Variants in CCDC66 observed in about 807,000 individuals in gnomAD.
CCDC66 encodes coiled-coil domain-containing protein 66.
In CCDC66, 133 loss-of-function variants were observed where a neutral mutation model predicts 128.3. The observed-to-expected ratio is 1.04, with a 90% confidence interval of 0.90 to 1.20. The LOEUF (loss-of-function observed/expected upper bound fraction) is 1.20. CCDC66 is among the 50% of genes most tolerant of loss of function. The probability of loss-of-function intolerance (pLI) is 0.00; values close to 1 mark genes in which losing one functional copy is unlikely to be tolerated. For missense variants in CCDC66, 1,126 were observed against 1,075.5 expected (o/e 1.05, Z -0.66); for synonymous variants, 387 against 357.0 (o/e 1.08, Z -0.95).
rs1364805329 is a variant in CCDC66, at chr3:56,593,109, A to G, written c.1068+8A>G. 2.5e-6 allele frequency: 4 copies of G among 1,571,592 alleles called. No individual in the cohort carries two copies. The highest frequency in any genetic ancestry group is 1.4e-5 in the African/African-American group (1 of 73,350). ...AAAATTATATATTCAAAGGTAACTTATGAGGTTTTGTGGCTATAAAAGAAA... is the reference window on the plus strand; with the variant it reads ...AAAATTATATATTCAAAGGTAACTTGTGAGGTTTTGTGGCTATAAAAGAAA... On this transcript the variant is annotated splice_region_variant and intron_variant, in intron 8 of 17. Transcript: ENST00000394672.
intron 7 of CCDC66, among the ~76,000 whole-genome samples, chr3:56,573,753 A>C (rs2066958128): frequency 6.7e-6 from 1 of 149,502 alleles, no homozygotes; most frequent in Non-Finnish European, 1.5e-5. Flanking sequence ...CCAGGGAGGG[A>C]GGAGGTATAA....
At chr3:56,613,798 T>G in intron 11 of CCDC66, 48 bp downstream of exon 11, 1 of 1,501,612 alleles carries the variant, frequency 6.7e-7, no homozygotes, top group Admixed American at 1.8e-5. Context: ...TTTGTGTTTT[T>G]GAGACAGGGT....
rs777209773 is a variant in CCDC66, at chr3:56,617,515, CCT to C, written c.2253_2254del (p.Gln752LysfsTer69). On this transcript the variant is annotated frameshift_variant, in exon 14 of 18. Transcript: ENST00000394672. LOFTEE classifies it high-confidence loss of function. ...HLVEKNNPGH[L>X]SQNRGISPEI... ...TGGTAGAAAAAAATAATCCTGGGCACCTCTCTCAAAACAGAGGCATTTCACCA... is the reference window on the plus strand; with the variant it reads ...TGGTAGAAAAAAATAATCCTGGGCACCTCTCAAAACAGAGGCATTTCACCA... 9.9e-6 allele frequency: 16 copies of C among 1,613,530 alleles called. No homozygotes were observed. Among genetic ancestry groups the C allele is most frequent in the African/African-American group, 6.7e-5 (5 of 74,854 alleles).
At chr3:56,593,347 A>G in intron 8 of CCDC66, 144 bp from the exon 9 acceptor site, 1 of 908,952 alleles carries the variant, frequency 1.1e-6, no homozygotes, top group South Asian at 1.8e-5. Flanking sequence ...ATGTATAAGG[A>G]CTCTAAACAG....
Position 56,557,205 on chromosome 3 carries a change from G to T in CCDC66, c.-38G>T. On this transcript the variant is annotated 5_prime_UTR_variant, in exon 1 of 18. Coordinates refer to ENST00000394672, the MANE Select transcript of CCDC66 (RefSeq NM_001141947.3). ...GCGGCGGCAACCGACGTACACAAGG[G>T]GCTTGAGCGTTCTGTGGAGAGAGTG... 1.3e-6 allele frequency: 2 copies of T among 1,551,260 alleles called. No individual in the cohort carries two copies. Among genetic ancestry groups the T allele is most frequent in the Non-Finnish European group, 1.7e-6 (2 of 1,146,974 alleles).
chr3:56,612,354 A>C (rs2074956273), intron 10 of CCDC66, among the ~76,000 whole-genome samples: 1 of 152,014 alleles, frequency 6.6e-6, no homozygotes, highest in Admixed American at 6.6e-5. Context: ...GCTGTGGTAA[A>C]GTTTTGTTGT....
chr3:56,562,504 C>G (rs1425926484), intron 3 of CCDC66, among the ~76,000 whole-genome samples: 1 of 152,134 alleles, frequency 6.6e-6, no homozygotes, highest in African/African-American at 2.4e-5. Flanking sequence ...AACTCTTACA[C>G]TTAAAATAGT....
intron 7 of CCDC66, chr3:56,572,355 A>C: frequency 1.6e-6 from 2 of 1,289,464 alleles, no homozygotes; most frequent in Non-Finnish European, 2.0e-6. Context: ...GCATTCTATC[A>C]CAGTCTCGTA....
At chr3:56,558,166 T>C (rs1326579686) in intron 1 of CCDC66, among the ~76,000 whole-genome samples, 3 of 152,200 alleles carry the variant, frequency 2.0e-5, no homozygotes, top group Non-Finnish European at 4.4e-5. Flanking sequence ...AGCCTCTCTC[T>C]CCCTTGACTG....
chr3:56,565,394 C>T (rs1250031255), intron 4 of CCDC66, among the ~76,000 whole-genome samples: 1 of 151,092 alleles, frequency 6.6e-6, no homozygotes, highest in Non-Finnish European at 1.5e-5. Context: ...CTGCCTCAGC[C>T]TCCCGAGTAG....
At chr3:56,582,713 A>T (rs1266128991) in intron 7 of CCDC66, among the ~76,000 whole-genome samples, 2 of 151,482 alleles carry the variant, frequency 1.3e-5, no homozygotes, top group African/African-American at 4.8e-5. Context: ...TTTGATGTGG[A>T]TCCTTCTGGT....
chr3:56,592,886 A>AT (rs1312368470), intron 7 of CCDC66, 84 bp from the exon 8 acceptor site: 2 of 1,422,336 alleles, frequency 1.4e-6, no homozygotes, highest in African/African-American at 2.9e-5. Flanking sequence ...TTAAATCTGT[A>AT]TGTTACTTTG....
At chr3:56,614,579 C>T (rs1211118829) in intron 11 of CCDC66, among the ~76,000 whole-genome samples, 2 of 152,058 alleles carry the variant, frequency 1.3e-5, no homozygotes, top group Non-Finnish European at 2.9e-5. Flanking sequence ...GGTGGTGGTA[C>T]CATATTTGAG....
At chr3:56,620,681 A>AGTT (rs1363916403) in intron 17 of CCDC66, 1 of 152,220 alleles carries the variant, frequency 6.6e-6, no homozygotes. Context: ...GTTTTACATA[A>AGTT]GTTATTTCTT....
intron 3 of CCDC66, chr3:56,563,418 A>T: frequency 3.2e-6 from 1 of 312,732 alleles, no homozygotes; most frequent in Non-Finnish European, 5.8e-6. Context: ...GAGATAATGT[A>T]GGTGGTATAA....
In CCDC66 at chr3:56,616,832, T is replaced by A. The variant is rs1023433235; in HGVS notation, c.1844-280T>A. 18 of 310,318 alleles carry A rather than the reference T, an allele frequency of 5.8e-5. 1 individual carries two copies. Among genetic ancestry groups the A allele is most frequent in the Admixed American group, 9.4e-5 (2 of 21,334 alleles). The allele number at this position is 310,318 out of a possible 1,614,324, so 19.2% of individuals were successfully genotyped here. On this transcript the variant is annotated intron_variant, in intron 13 of 17. Transcript: ENST00000394672. ...TGTTATTCTACTGGTTGTGAAGTGG[T>A]ATCTCAGGTGGTTTTGGTTTGCATT...
chr3:56,610,404 C>G (rs1236254723), intron 10 of CCDC66, among the ~76,000 whole-genome samples: 1 of 152,084 alleles, frequency 6.6e-6, no homozygotes, highest in African/African-American at 2.4e-5. Context: ...AAAGTGTGTC[C>G]AAAGTTTCCT....
intron 7 of CCDC66, 118 bp from the exon 8 acceptor site, chr3:56,592,852 C>T: frequency 1.0e-6 from 1 of 987,266 alleles, no homozygotes; most frequent in Non-Finnish European, 1.5e-6. Flanking sequence ...TATTGCTCCT[C>T]TTACAGATAA....
chr3:56,596,760 T>A (rs2072021605), intron 10 of CCDC66, among the ~76,000 whole-genome samples: 2 of 9,292 alleles, frequency 2.2e-4, no homozygotes, highest in Non-Finnish European at 4.3e-4. Context: ...CATCTTGAAT[T>A]TTTTTTTTTT....
Sources: allele counts gnomAD v4.1 joint callset (sites outside exome capture counted in the v4.1 genomes callset), GRCh38; gene constraint gnomAD v4.1.1; transcripts MANE v1.5; gene names NCBI Gene and HGNC (gene_info 2026-07-23, HGNC 2026-07-21).